SUGCT: variants seen among roughly 807,000 people sequenced by gnomAD.
SUGCT encodes the protein succinyl-CoA:glutarate CoA-transferase.
Under a neutral mutation model 55.0 loss-of-function variants are expected in SUGCT, and 41 were observed. The observed-to-expected ratio is 0.74, with a 90% confidence interval of 0.58 to 0.97. The LOEUF (loss-of-function observed/expected upper bound fraction) is 0.97. Ranked by LOEUF, SUGCT falls within the 50% of genes least tolerant of loss-of-function variation. The probability of loss-of-function intolerance (pLI) is 0.00; values close to 1 mark genes in which losing one functional copy is unlikely to be tolerated. For missense variants in SUGCT, 568 were observed against 547.8 expected, an observed-to-expected ratio of 1.04 and a Z score of -0.37; for synonymous variants, 187 against 200.4, an observed-to-expected ratio of 0.93 and a Z score of 0.56.
intron 9 of SUGCT, among the ~76,000 whole-genome samples, chr7:40,411,633 G>A (rs569154026): frequency 5.9e-5 from 9 of 152,014 alleles, no homozygotes; most frequent in Non-Finnish European, 8.8e-5. Context: ...AGGGAGAGGG[G>A]GGACAAACAA....
chr7:40,777,055 G>A lies in SUGCT; in HGVS notation c.1153+27558G>A, dbSNP rs961742239. On this transcript the variant is annotated intron_variant, in intron 13 of 13. Transcript: ENST00000335693. ...CTTAGAAGCTCTATTATGGTGTAAC[G>A]GGGATCTCCTCTATGAAGTTTTGAA... Among the ~76,000 whole-genome samples, 7 of 152,102 alleles carry A rather than the reference G, an allele frequency of 4.6e-5. No individual in the cohort carries two copies. In the East Asian group the frequency reaches 7.7e-4, roughly 17 times the overall value.
chr7:40,515,341 G>C (rs1470906461), intron 12 of SUGCT, among the ~76,000 whole-genome samples: 1 of 152,154 alleles, frequency 6.6e-6, no homozygotes, highest in Non-Finnish European at 1.5e-5. Flanking sequence ...TTCACATACT[G>C]TAAAATTACC....
chr7:40,941,030 T>G, the SUGCT span, among the ~76,000 whole-genome samples: 3 of 152,064 alleles, frequency 2.0e-5, no homozygotes, highest in Non-Finnish European at 4.4e-5. Flanking sequence ...GCTTTTGATA[T>G]TTTTGGGTAT....
chr7:40,848,214 C>G (rs1349237840), intron 13 of SUGCT, among the ~76,000 whole-genome samples: 2 of 152,072 alleles, frequency 1.3e-5, no homozygotes, highest in Non-Finnish European at 2.9e-5. Flanking sequence ...ACTTCCTTTA[C>G]TTCTTTTTCT....
intron 12 of SUGCT, among the ~76,000 whole-genome samples, chr7:40,628,435 TTCAGTAA>T (rs1455165031): frequency 2.0e-5 from 3 of 152,200 alleles, no homozygotes; most frequent in Non-Finnish European, 4.4e-5. Context: ...GTAGCTGTGA[TTCAGTAA>T]TCAGAGTATG....
At chr7:40,631,160 T>C (rs1324695605) in intron 12 of SUGCT, among the ~76,000 whole-genome samples, 1 of 152,228 alleles carries the variant, frequency 6.6e-6, no homozygotes, top group Non-Finnish European at 1.5e-5. Flanking sequence ...AGAGAGTATT[T>C]GTTTTCATGA....
the SUGCT span, among the ~76,000 whole-genome samples, chr7:41,009,728 C>G: frequency 1.3e-5 from 2 of 152,116 alleles, no homozygotes; most frequent in East Asian, 3.9e-4. Flanking sequence ...CCCATTCATC[C>G]ATCTCAGTGT....
intron 1 of SUGCT, among the ~76,000 whole-genome samples, chr7:40,154,965 T>C (rs1035816906): frequency 1.1e-4 from 16 of 152,230 alleles, no homozygotes; most frequent in African/African-American, 3.6e-4. Flanking sequence ...AAAAATACTG[T>C]TAGTAGTAGC....
chr7:40,450,698 C>T (rs62451201), intron 10 of SUGCT, among the ~76,000 whole-genome samples: 3,175 of 151,722 alleles, frequency 0.021, 40 homozygotes, highest in Non-Finnish European at 0.031. Flanking sequence ...TGCTTGAACC[C>T]GGGAGGCGGA....
chr7:40,913,789 G>C, the SUGCT span, among the ~76,000 whole-genome samples: 1 of 152,158 alleles, frequency 6.6e-6, no homozygotes, highest in Non-Finnish European at 1.5e-5. Context: ...TCTATCTGCA[G>C]TATGCTCCTC....
At chr7:40,139,091 C>CT (rs577677438) in intron 1 of SUGCT, among the ~76,000 whole-genome samples, 73 of 151,340 alleles carry the variant, frequency 4.8e-4, no homozygotes, top group Non-Finnish European at 9.4e-4. Context: ...GCCCATTGTA[C>CT]TCCAGCCTGG....
chr7:40,416,274 C>G (rs766086596), intron 9 of SUGCT, among the ~76,000 whole-genome samples: 1 of 151,698 alleles, frequency 6.6e-6, no homozygotes, highest in Non-Finnish European at 1.5e-5. Context: ...TCACCTTGTA[C>G]AGTTCCCTTA....
At position 40,436,673 on chromosome 7, in the gene SUGCT, G is replaced by C. The variant is rs1788194055; in HGVS notation, c.817-12614G>C. On this transcript the variant is annotated intron_variant, in intron 9 of 13. Coordinates refer to ENST00000335693, the MANE Select transcript of SUGCT (RefSeq NM_001193313.2). ...TAGATGGTACAGAACTGTGATTATT[G>C]TAACATGTTTGAGATACAACAAAGA... Among the ~76,000 whole-genome samples, 9 of 152,196 alleles carry C rather than the reference G, an allele frequency of 5.9e-5. No homozygotes were observed. The South Asian group carries it at 1.2e-3, about 21-fold the overall frequency.
Position 40,231,798 on chromosome 7 carries a change from T to A in SUGCT, c.485-5837T>A, listed in dbSNP as rs146606133. Among the ~76,000 whole-genome samples the A allele has an allele frequency of 4.1e-3, 625 of 152,304 alleles. 5 individuals are homozygous for A. The highest frequency in any genetic ancestry group is 0.014 in the African/African-American group (596 of 41,580). ...CAGGAAAGTAGTGTACTGATTTACC[T>A]TTTCAAAAGGTCACTGTATGGTTGA... On this transcript the variant is annotated intron_variant, in intron 6 of 13. Transcript: ENST00000335693.
intron 12 of SUGCT, among the ~76,000 whole-genome samples, chr7:40,714,255 A>G (rs1785892163): frequency 6.6e-6 from 1 of 152,122 alleles, no homozygotes; most frequent in South Asian, 2.1e-4. Flanking sequence ...GCTTGAACTC[A>G]GGAGGCGGGT....
intron 12 of SUGCT, among the ~76,000 whole-genome samples, chr7:40,739,615 T>C (rs1188815135): frequency 3.3e-5 from 5 of 152,090 alleles, no homozygotes; most frequent in African/African-American, 4.8e-5. Context: ...GTTTCTTTTT[T>C]CCCCCCAGCT....
At chr7:40,882,849 A>T in the SUGCT span, among the ~76,000 whole-genome samples, 1 of 152,220 alleles carries the variant, frequency 6.6e-6, no homozygotes, top group African/African-American at 2.4e-5. Context: ...TTCTAGGAGC[A>T]ACAATTCATC....
At chr7:40,894,614 C>G in the SUGCT span, among the ~76,000 whole-genome samples, 4 of 151,860 alleles carry the variant, frequency 2.6e-5, no homozygotes, top group Non-Finnish European at 5.9e-5. Context: ...CTGAAATCAA[C>G]AAGCAAAAAA....
chr7:40,158,995 A>G lies in SUGCT; in HGVS notation c.101-21952A>G, dbSNP rs557751051. 1.3e-3 allele frequency among the ~76,000 whole-genome samples: 196 copies of G among 152,340 alleles called. 1 individual carries two copies. Among genetic ancestry groups the G allele is most frequent in the African/African-American group, 4.6e-3 (192 of 41,570 alleles). On this transcript the variant is annotated intron_variant, in intron 1 of 13. Coordinates refer to ENST00000335693, the MANE Select transcript of SUGCT (RefSeq NM_001193313.2). ...CAGTGGCATGATCACAGCTCATTGC[A>G]GCCTTGACCTCACTGGCTCAAGTGA... is the stretch of plus-strand genomic sequence containing the variant.
Sources: allele counts gnomAD v4.1 joint callset (sites outside exome capture counted in the v4.1 genomes callset), GRCh38; gene constraint gnomAD v4.1.1; transcripts MANE v1.5; gene names NCBI Gene and HGNC (gene_info 2026-07-23, HGNC 2026-07-21).